CFAP47: variants seen among roughly 807,000 people sequenced by gnomAD.
CFAP47 encodes cilia- and flagella-associated protein 47.
Under a neutral mutation model 148.1 loss-of-function variants are expected in CFAP47, and 29 were observed. The ratio of observed to expected loss-of-function variants is 0.20; its 90% CI spans 0.15 to 0.27. The LOEUF is 0.27. Ranked by LOEUF, CFAP47 falls within the 10% of genes least tolerant of loss-of-function variation. CFAP47 has a pLI of 1.00. For synonymous variants in CFAP47, 664 were observed against 577.3 expected (o/e 1.15, Z -2.15); for missense variants, 1,872 against 1,697.5 (o/e 1.10, Z -1.81).
At chrX:36,152,406 A>G (rs149952609) in intron 37 of CFAP47, among the ~76,000 whole-genome samples, 2 of 111,830 alleles carry the variant, frequency 1.8e-5, no homozygotes, top group African/African-American at 6.5e-5. Context: ...TTTGATTAGT[A>G]TCTCCTCATT....
Position 36,285,610 on chromosome X carries a change from G to A in CFAP47, c.7589-19G>A. ...TATTCTGAAGTCTATATTAAAAAGT[G>A]TTTTGTTTTGTTTTTCAGATGGTAA... On this transcript the variant is annotated intron_variant, in intron 50 of 63. Transcript: ENST00000378653. 1.5e-6 allele frequency: 1 copy of A among 679,967 alleles called. No homozygotes were observed. Among genetic ancestry groups the A allele is most frequent in the Non-Finnish European group, 2.3e-6 (1 of 433,015 alleles). 56.0% of individuals were successfully genotyped at this position (679,967 alleles called of 1,213,427 possible).
At chrX:36,106,062 C>T (rs1403143106) in intron 33 of CFAP47, among the ~76,000 whole-genome samples, 1 of 112,009 alleles carries the variant, frequency 8.9e-6, no homozygotes, top group South Asian at 3.7e-4. Flanking sequence ...TCATTTCATT[C>T]GAGTCATTGA....
At chrX:35,952,208 G>A (rs187118560) in intron 6 of CFAP47, among the ~76,000 whole-genome samples, 7 of 111,656 alleles carry the variant, frequency 6.3e-5, no homozygotes, top group Admixed American at 1.9e-4. Flanking sequence ...ATGGGGTGGT[G>A]GAAGTGCAAG....
chrX:35,951,803 G>T lies in CFAP47; in HGVS notation c.886G>T (p.Gly296Cys). The T allele has an allele frequency of 9.0e-7, 1 of 1,107,914 alleles. No individual in the cohort carries two copies. The highest frequency in any genetic ancestry group is 2.6e-5 in the South Asian group (1 of 38,965). The allele number at this position is 1,107,914 out of a possible 1,213,427, so 91.3% of individuals were successfully genotyped here. ...TTTTATATCTGACTTTATATTACAG[G>T]GTACAGATATTCAACAAAGAACAGA... ...IQDDAVGEELGTDIQQRTDIA... is the reference protein window; with the variant it reads ...IQDDAVGEELCTDIQQRTDIA... Residue 296 changes from glycine to cysteine, a missense_variant and splice_region_variant, in exon 6 of 64, where the codon GGT becomes TGT. Gly to Cys is a radical substitution (Grantham distance 159, BLOSUM62 -3). Transcript: ENST00000378653.
At chrX:36,014,023 C>G (rs1033573320) in intron 21 of CFAP47, among the ~76,000 whole-genome samples, 7 of 111,915 alleles carry the variant, frequency 6.3e-5, no homozygotes, top group Non-Finnish European at 1.3e-4. Flanking sequence ...AATGAAGAAA[C>G]TTGTTTTTCA....
intron 49 of CFAP47, among the ~76,000 whole-genome samples, chrX:36,258,803 A>C (rs1266339552): frequency 1.8e-5 from 2 of 112,150 alleles, no homozygotes; most frequent in African/African-American, 6.5e-5. Flanking sequence ...GAAATGCAAT[A>C]TAAATACTTT....
intron 51 of CFAP47, among the ~76,000 whole-genome samples, chrX:36,290,079 C>T (rs899677059): frequency 2.7e-5 from 3 of 109,913 alleles, no homozygotes; most frequent in Non-Finnish European, 3.8e-5. Context: ...CCCCGCCCCT[C>T]GCCCCCGCAC....
rs781939197 is a variant in CFAP47, at chrX:36,364,573, A to G, written c.9024-2393A>G. ...TCTAAGCCAAGACCTTACAGACATA[A>G]AAAAGTTGGAAAGAGCATTTGAGCC... On this transcript the variant is annotated intron_variant, in intron 61 of 63. Coordinates refer to ENST00000378653, the MANE Select transcript of CFAP47 (RefSeq NM_001304548.2). 2.5e-3 allele frequency among the ~76,000 whole-genome samples: 280 copies of G among 110,032 alleles called. 2 individuals carry two copies. Among genetic ancestry groups the G allele is most frequent in the South Asian group, 0.011 (29 of 2,665 alleles).
At chrX:36,109,884 G>A (rs1377466373) in intron 33 of CFAP47, among the ~76,000 whole-genome samples, 3 of 112,064 alleles carry the variant, frequency 2.7e-5, no homozygotes, top group African/African-American at 9.7e-5. Flanking sequence ...TTATTCATAT[G>A]CTTCTAGGCT....
intron 45 of CFAP47, among the ~76,000 whole-genome samples, chrX:36,220,239 C>T (rs1401365878): frequency 5.4e-5 from 6 of 110,770 alleles, no homozygotes; most frequent in African/African-American, 9.8e-5. Context: ...GTATATGAAA[C>T]GTAAATGAAT....
rs898868951 is a variant in CFAP47, at chrX:36,004,248, A to T, written c.3417+2541A>T. Among the ~76,000 whole-genome samples the T allele has an allele frequency of 5.4e-5, 6 of 110,839 alleles. No homozygotes were observed. In the East Asian group the frequency reaches 1.7e-3, roughly 32 times the overall value. On this transcript the variant is annotated intron_variant, in intron 21 of 63. Transcript: ENST00000378653. ...CACCATGGCGTCCCAAAATGCTGGG[A>T]TTACAGGCGTGAGCCACTGCACCAG...
intron 37 of CFAP47, among the ~76,000 whole-genome samples, chrX:36,157,108 G>C (rs1939377164): frequency 9.1e-6 from 1 of 110,488 alleles, no homozygotes; most frequent in Non-Finnish European, 1.9e-5. Context: ...GTTCCACCCC[G>C]ATTTAATGTA....
rs16987450 is a variant in CFAP47, at chrX:36,295,083, A to C, written c.7687-3894A>C. On this transcript the variant is annotated intron_variant, in intron 51 of 63. Coordinates refer to ENST00000378653, the MANE Select transcript of CFAP47 (RefSeq NM_001304548.2). ...CCATTATGTTTGCCACAATATTTCT[A>C]AGTACCAGCCAGAAAAAATATTGGG... is the stretch of plus-strand genomic sequence containing the variant. 8.7e-3 allele frequency among the ~76,000 whole-genome samples: 978 copies of C among 112,040 alleles called. 15 individuals carry two copies. Among genetic ancestry groups the C allele is most frequent in the African/African-American group, 0.03 (926 of 30,876 alleles).
chrX:36,019,213 G>A (rs1384536933), intron 22 of CFAP47, among the ~76,000 whole-genome samples: 1 of 111,716 alleles, frequency 9.0e-6, no homozygotes, highest in African/African-American at 3.3e-5. Flanking sequence ...GACTCCAGCA[G>A]AGTCCTGTAA....
intron 22 of CFAP47, among the ~76,000 whole-genome samples, chrX:36,021,352 G>A (rs1250091240): frequency 9.1e-6 from 1 of 110,181 alleles, no homozygotes; most frequent in African/African-American, 3.3e-5. Context: ...TGCCCAGGCT[G>A]GAGTGCAGTG....
intron 45 of CFAP47, among the ~76,000 whole-genome samples, chrX:36,215,928 A>G (rs1301329550): frequency 8.9e-6 from 1 of 111,883 alleles, no homozygotes; most frequent in African/African-American, 3.3e-5. Context: ...ATTTCAGACC[A>G]TGGTACCTGA....
chrX:36,299,924 G>A (rs899602097), intron 52 of CFAP47, among the ~76,000 whole-genome samples: 3 of 111,787 alleles, frequency 2.7e-5, no homozygotes, highest in Admixed American at 9.5e-5. Flanking sequence ...ATTATTCTGC[G>A]AAGCATGAAA....
At chrX:35,989,778 C>A in intron 16 of CFAP47, 1 of 282,511 alleles carries the variant, frequency 3.5e-6, no homozygotes, top group Non-Finnish European at 6.0e-6. Flanking sequence ...GACTCAATCA[C>A]CAAGCATGAT....
chrX:35,975,641 G>A (rs767332199), intron 14 of CFAP47, 31 bp from the exon 15 acceptor site: 1 of 1,199,116 alleles, frequency 8.3e-7, no homozygotes, highest in South Asian at 1.8e-5. Flanking sequence ...ACTATTATCA[G>A]TTAAATTTGG....
Sources: allele counts gnomAD v4.1 joint callset (sites outside exome capture counted in the v4.1 genomes callset), GRCh38; gene constraint gnomAD v4.1.1; transcripts MANE v1.5; gene names NCBI Gene and HGNC (gene_info 2026-07-23, HGNC 2026-07-21).